The following TLK2 variants were observed in gnomAD, a reference collection of about 807,000 sequenced individuals.
TLK2 encodes tousled like kinase 2, also known as serine/threonine-protein kinase tousled-like 2.
A neutral mutation model predicts 117.3 loss-of-function variants in TLK2; 6 were observed. That is an observed-to-expected ratio of 0.05 (90% CI 0.03 to 0.10). TLK2 has a LOEUF of 0.10. TLK2 is among the 10% of genes least tolerant of loss of function. The pLI, the probability that TLK2 is intolerant of heterozygous loss-of-function variation, is 1.00. For missense variants in TLK2, 299 were observed against 901.2 expected (o/e 0.33, Z 8.56); for synonymous variants, 257 against 316.7 (o/e 0.81, Z 2.00).
At chr17:62,587,637 G>T (rs1409177014) in intron 16 of TLK2, among the ~76,000 whole-genome samples, 1 of 152,168 alleles carries the variant, frequency 6.6e-6, no homozygotes, top group Non-Finnish European at 1.5e-5. Context: ...GAGCAACAGG[G>T]CTTAGCAGAG....
chr17:62,532,354 A>G (rs1382883119), intron 6 of TLK2, among the ~76,000 whole-genome samples: 2 of 152,308 alleles, frequency 1.3e-5, no homozygotes, highest in Admixed American at 1.3e-4. Flanking sequence ...CAGAAGGTTT[A>G]ATTTTACTGT....
intron 16 of TLK2, among the ~76,000 whole-genome samples, chr17:62,587,403 T>G (rs1303022548): frequency 1.3e-5 from 2 of 152,080 alleles, no homozygotes; most frequent in East Asian, 1.9e-4. Context: ...GCAGTCTTGG[T>G]TTTTTTTGGT....
intron 2 of TLK2, among the ~76,000 whole-genome samples, chr17:62,483,906 A>G (rs1490235858): frequency 4.6e-5 from 7 of 151,920 alleles, no homozygotes; most frequent in African/African-American, 1.5e-4. Flanking sequence ...GCGCACTGCA[A>G]TCTCTGCCTC....
chr17:62,565,651 C>CAA (rs5821367), intron 11 of TLK2, among the ~76,000 whole-genome samples: 62,215 of 100,686 alleles, frequency 0.62, 18,376 homozygotes, highest in East Asian at 0.8. Context: ...GACTCCATCT[C>CAA]AAAAAAAAAA....
At position 62,576,825 on chromosome 17, in the gene TLK2, AT is replaced by A. The variant is rs112654728; in HGVS notation, c.1188+53del. Reference sequence around the variant, plus strand: ...TGGAGAAATGTGATACCTAGTTTAAATTTGGGGTTGAAGCTATTTGGTCATT... The same window carrying A: ...TGGAGAAATGTGATACCTAGTTTAAATTGGGGTTGAAGCTATTTGGTCATT... On this transcript the variant is annotated intron_variant, in intron 13 of 21. Transcript: ENST00000346027. The A allele has an allele frequency of 1.6e-3, 2,312 of 1,471,802 alleles. 23 individuals are homozygous for A. In the African/African-American group the frequency reaches 0.021, roughly 13 times the overall value. The allele number at this position is 1,471,802 out of a possible 1,614,324, so 91.2% of individuals were successfully genotyped here.
chr17:62,523,264 G>T, intron 5 of TLK2, 87 bp downstream of exon 5: 1 of 1,508,344 alleles, frequency 6.6e-7, no homozygotes, highest in Non-Finnish European at 8.9e-7. Context: ...CTAAATCCTT[G>T]TGTTCATTTG....
intron 6 of TLK2, 152 bp from the exon 7 acceptor site, chr17:62,536,018 T>C: frequency 2.4e-6 from 2 of 819,532 alleles, no homozygotes; most frequent in South Asian, 2.0e-5. Flanking sequence ...ACAATGATAA[T>C]GTTGGTATGC....
intron 2 of TLK2, among the ~76,000 whole-genome samples, chr17:62,505,257 T>C (rs994600270): frequency 3.9e-5 from 6 of 152,132 alleles, no homozygotes; most frequent in African/African-American, 1.4e-4. Context: ...TAAAATTTTG[T>C]TTTAGAGGCA....
intron 2 of TLK2, among the ~76,000 whole-genome samples, chr17:62,498,892 T>C (rs2073947592): frequency 1.3e-5 from 2 of 152,110 alleles, no homozygotes; most frequent in Admixed American, 1.3e-4. Context: ...AGACACAGTC[T>C]CTCTCTGTCA....
At chr17:62,596,016 C>T (rs1299137696) in intron 16 of TLK2, among the ~76,000 whole-genome samples, 1 of 152,100 alleles carries the variant, frequency 6.6e-6, no homozygotes, top group Non-Finnish European at 1.5e-5. Context: ...ATAGAATGAA[C>T]TTGAAAGGGA....
At chr17:62,518,467 T>A (rs1293221836) in intron 2 of TLK2, among the ~76,000 whole-genome samples, 1 of 151,448 alleles carries the variant, frequency 6.6e-6, no homozygotes, top group Non-Finnish European at 1.5e-5. Context: ...ACTTTGGGAG[T>A]CTGAGGTGGG....
rs558707293 is a variant in TLK2, at chr17:62,583,049, C to A, written c.1368+2857C>A. On this transcript the variant is annotated intron_variant, in intron 15 of 21. Transcript: ENST00000346027. ...CGATGGACACTTGGGTTGCTTCCAT[C>A]TCTCGCCTACCGTGTATAGTGCTGT... Among the ~76,000 whole-genome samples the A allele has an allele frequency of 6.6e-5, 10 of 152,186 alleles. No individual in the cohort carries two copies. In the South Asian group the frequency reaches 2.1e-3, roughly 32 times the overall value.
At chr17:62,527,104 C>G (rs555282622) in intron 6 of TLK2, among the ~76,000 whole-genome samples, 1 of 152,298 alleles carries the variant, frequency 6.6e-6, no homozygotes, top group Non-Finnish European at 1.5e-5. Flanking sequence ...GCTATAGGGT[C>G]TTTGTACTTG....
chr17:62,602,279 C>G, intron 19 of TLK2, 99 bp downstream of exon 19: 1 of 1,289,274 alleles, frequency 7.8e-7, no homozygotes, highest in Non-Finnish European at 1.0e-6. Context: ...ATCTGCTAGG[C>G]AAAAATGCCA....
chr17:62,558,383 G>C (rs1487371544), intron 9 of TLK2, among the ~76,000 whole-genome samples: 3 of 152,114 alleles, frequency 2.0e-5, no homozygotes, highest in African/African-American at 7.2e-5. Flanking sequence ...GGCTGGTCTT[G>C]AACTCCTGGG....
intron 9 of TLK2, among the ~76,000 whole-genome samples, chr17:62,554,581 C>CAAGAAAAAAATA (rs1416810675): frequency 5.1e-4 from 78 of 151,588 alleles, no homozygotes; most frequent in Non-Finnish European, 8.5e-4. Context: ...TACTTTGTCT[C>CAAGAAAAAAATA]AAGAAAAAAA....
At chr17:62,524,567 A>T (rs1437386343) in intron 6 of TLK2, among the ~76,000 whole-genome samples, 1 of 152,228 alleles carries the variant, frequency 6.6e-6, no homozygotes, top group Non-Finnish European at 1.5e-5. Context: ...CTAATCCTAC[A>T]GCTCAGTAGT....
intron 2 of TLK2, among the ~76,000 whole-genome samples, chr17:62,489,089 T>C (rs2072810831): frequency 6.6e-6 from 1 of 152,138 alleles, no homozygotes. Context: ...TTTTGCCATG[T>C]TGCCCAGACT....
At chr17:62,481,906 A>G (rs2071698504) in intron 2 of TLK2, among the ~76,000 whole-genome samples, 1 of 152,140 alleles carries the variant, frequency 6.6e-6, no homozygotes, top group South Asian at 2.1e-4. Context: ...TTGGTCCAAG[A>G]TCATATTACT....
Sources: gnomAD v4.1 joint callset for allele counts (sites outside exome capture counted in the v4.1 genomes callset) on GRCh38, gnomAD v4.1.1 for gene constraint, MANE v1.5 for transcripts, NCBI Gene and HGNC (gene_info 2026-07-23, HGNC 2026-07-21) for gene names.